RAB6A: variants seen among roughly 807,000 people sequenced by gnomAD.
RAB6A encodes the protein RAB6A, member RAS oncogene family.
A neutral mutation model predicts 32.3 loss-of-function variants in RAB6A; 8 were observed. That is an observed-to-expected ratio of 0.25 (90% CI 0.15 to 0.45). RAB6A has a LOEUF of 0.45. Ranked by LOEUF, RAB6A falls within the 20% of genes least tolerant of loss-of-function variation. RAB6A has a pLI of 1.00. For synonymous variants in RAB6A, 73 were observed against 82.1 expected, an observed-to-expected ratio of 0.89 and a Z score of 0.60; for missense variants, 104 against 249.4, an observed-to-expected ratio of 0.42 and a Z score of 3.93.
chr11:73,682,950 C>T (rs918193578), intron 6 of RAB6A, among the ~76,000 whole-genome samples: 4 of 152,140 alleles, frequency 2.6e-5, no homozygotes, highest in Non-Finnish European at 5.9e-5. Flanking sequence ...AAATTTCATG[C>T]ATTAGGAAAA....
intron 1 of RAB6A, among the ~76,000 whole-genome samples, chr11:73,755,315 A>G (rs1343300771): frequency 6.8e-6 from 1 of 146,542 alleles, no homozygotes; most frequent in Non-Finnish European, 1.5e-5. Flanking sequence ...TTATTTTGAG[A>G]TGGAGCCTCA....
At chr11:73,688,598 G>A (rs946970518) in intron 6 of RAB6A, among the ~76,000 whole-genome samples, 7 of 152,120 alleles carry the variant, frequency 4.6e-5, no homozygotes, top group African/African-American at 1.7e-4. Flanking sequence ...TGGGTCTTCT[G>A]CTAAGGATTT....
intron 6 of RAB6A, among the ~76,000 whole-genome samples, chr11:73,687,064 T>G (rs1010293482): frequency 5.3e-5 from 8 of 152,090 alleles, no homozygotes; most frequent in Admixed American, 4.6e-4. Context: ...AAAGAAATTC[T>G]GACACCTACT....
chr11:73,739,785 G>C lies in RAB6A; in HGVS notation c.71-8962C>G, dbSNP rs148793062. On this transcript the variant is annotated intron_variant, in intron 1 of 7. Transcript: ENST00000336083. ...AAAAGAGAAGCCTCAGGCCGGGCCC[G>C]GTGGCTCATGCCTGTAATCCCAGCA... 5.8e-3 allele frequency among the ~76,000 whole-genome samples: 877 copies of C among 152,042 alleles called. 11 individuals are homozygous for C. Among genetic ancestry groups the C allele is most frequent in the African/African-American group, 0.02 (838 of 41,458 alleles).
chr11:73,680,020 C>T (rs1945330145), intron 6 of RAB6A, among the ~76,000 whole-genome samples: 1 of 152,172 alleles, frequency 6.6e-6, no homozygotes, highest in South Asian at 2.1e-4. Flanking sequence ...ACTGCTTCAG[C>T]TCAGGAAGTG....
chr11:73,754,895 AG>A (rs887911549), intron 1 of RAB6A, among the ~76,000 whole-genome samples: 3 of 136,660 alleles, frequency 2.2e-5, no homozygotes, highest in African/African-American at 8.0e-5. Context: ...AAAAAAAAAA[AG>A]GGTATTAACA....
chr11:73,760,096 C>A, intron 1 of RAB6A: 7 of 1,290,794 alleles, frequency 5.4e-6, no homozygotes, highest in Non-Finnish European at 7.1e-6. Context: ...GGGAAAACAA[C>A]GCCCAGATCC....
rs189962236 is a variant in RAB6A at position 73,712,970 on chromosome 11, G to T, written c.401+3281C>A. Among the ~76,000 whole-genome samples the T allele has an allele frequency of 2.6e-5, 4 of 151,976 alleles. No homozygotes were observed. In the East Asian group the frequency reaches 7.8e-4, roughly 30 times the overall value. On this transcript the variant is annotated intron_variant, in intron 5 of 7. Transcript: ENST00000336083. ...TGGCATCAAGTGATCTGCCTGCCTC[G>T]GATTGCCAAAGTGCTGGGAGGTGTG... is the stretch of plus-strand genomic sequence containing the variant.
intron 6 of RAB6A, among the ~76,000 whole-genome samples, chr11:73,681,669 C>T (rs958913823): frequency 1.2e-4 from 18 of 152,190 alleles, no homozygotes; most frequent in African/African-American, 3.9e-4. Flanking sequence ...ATTAGCCAGG[C>T]GTGGTAGCGC....
chr11:73,724,716 G>A (rs1946190976), intron 2 of RAB6A, among the ~76,000 whole-genome samples: 1 of 151,974 alleles, frequency 6.6e-6, no homozygotes, highest in Non-Finnish European at 1.5e-5. Flanking sequence ...TCGATCTCCA[G>A]ACCTTGTGAT....
intron 1 of RAB6A, among the ~76,000 whole-genome samples, chr11:73,758,438 C>G (rs549477611): frequency 1.8e-4 from 27 of 152,126 alleles, no homozygotes; most frequent in African/African-American, 6.5e-4. Context: ...TATATGGGAA[C>G]TCTACACTAT....
intron 1 of RAB6A, among the ~76,000 whole-genome samples, chr11:73,738,875 C>T (rs547010603): frequency 2.0e-5 from 3 of 150,888 alleles, no homozygotes; most frequent in South Asian, 2.1e-4. Flanking sequence ...GCCTGGGAGT[C>T]GGAGGCTGCA....
At chr11:73,727,887 C>G (rs1055978746) in intron 2 of RAB6A, among the ~76,000 whole-genome samples, 1 of 152,036 alleles carries the variant, frequency 6.6e-6, no homozygotes, top group Admixed American at 6.6e-5. Flanking sequence ...TTTCTTTAAT[C>G]TATAGAATGA....
chr11:73,717,135 G>C (rs1281331111), intron 4 of RAB6A, among the ~76,000 whole-genome samples: 1 of 151,894 alleles, frequency 6.6e-6, no homozygotes, highest in Non-Finnish European at 1.5e-5. Context: ...CCAAAGTAAA[G>C]GTGCAAAGGA....
At chr11:73,707,353 C>A in intron 6 of RAB6A, 67 bp downstream of exon 6, 1 of 1,182,002 alleles carries the variant, frequency 8.5e-7, no homozygotes, top group South Asian at 1.3e-5. Flanking sequence ...AACCTATACA[C>A]CAGAGAATAG....
chr11:73,740,210 C>T (rs1017203756), intron 1 of RAB6A, among the ~76,000 whole-genome samples: 6 of 151,688 alleles, frequency 4.0e-5, no homozygotes, highest in African/African-American at 1.5e-4. Flanking sequence ...TTTACTTTTT[C>T]CCACAAAAAA....
chr11:73,750,419 A>G (rs937584944), intron 1 of RAB6A, among the ~76,000 whole-genome samples: 9 of 149,602 alleles, frequency 6.0e-5, no homozygotes, highest in Non-Finnish European at 1.2e-4. Context: ...GCATGATGTC[A>G]GCTCACTGCA....
At chr11:73,724,588 G>A (rs899674202) in intron 2 of RAB6A, among the ~76,000 whole-genome samples, 4 of 147,592 alleles carry the variant, frequency 2.7e-5, no homozygotes, top group African/African-American at 5.0e-5. Context: ...CGGGGTTCAC[G>A]CCATTCTCCT....
intron 6 of RAB6A, among the ~76,000 whole-genome samples, chr11:73,679,931 C>CAA (rs985887905): frequency 5.5e-4 from 83 of 149,646 alleles, no homozygotes; most frequent in African/African-American, 1.7e-3. Flanking sequence ...TCTGTCTCTA[C>CAA]AAAAAAAAAC....
Sources: allele counts gnomAD v4.1 joint callset (sites outside exome capture counted in the v4.1 genomes callset), GRCh38; gene constraint gnomAD v4.1.1; transcripts MANE v1.5; gene names NCBI Gene and HGNC (gene_info 2026-07-23, HGNC 2026-07-21).